The following HTR2A variants were observed in gnomAD, a reference collection of about 807,000 sequenced individuals.
The protein encoded by HTR2A is 5-hydroxytryptamine receptor 2A, also known as 5-HT2 receptor.
In HTR2A, 14 loss-of-function variants were observed where a neutral mutation model predicts 31.0. The observed-to-expected ratio is 0.45, with a 90% CI of 0.30 to 0.71. The LOEUF is 0.71. HTR2A is among the 30% of genes least tolerant of loss of function. The pLI, the probability that HTR2A is intolerant of heterozygous loss-of-function variation, is 0.09. For missense variants in HTR2A, 442 were observed against 573.3 expected (o/e 0.77, Z 2.34); for synonymous variants, 209 against 225.2 (o/e 0.93, Z 0.64).
chr13:46,867,950 G>A (rs751146885), intron 3 of HTR2A, among the ~76,000 whole-genome samples: 2 of 152,164 alleles, frequency 1.3e-5, no homozygotes, highest in Non-Finnish European at 2.9e-5. Flanking sequence ...TTTGTCCTGA[G>A]TGAAGCACAA....
In HTR2A at chr13:46,892,567, T is replaced by G. The variant is rs1425158265; in HGVS notation, c.436A>C (p.Lys146Gln). 6.2e-7 allele frequency: 1 copy of G among 1,614,208 alleles called. No individual in the cohort carries two copies. The highest frequency in any genetic ancestry group is 8.5e-7 in the Non-Finnish European group (1 of 1,180,026). The change falls in exon 3 of 4, where the codon AAG becomes CAG. Residue 146 changes from lysine (K) to glutamine (Q), a missense_variant. Lys to Gln is a moderately conservative substitution (Grantham distance 53, BLOSUM62 1). Coordinates refer to ENST00000542664, the MANE Select transcript of HTR2A (RefSeq NM_000621.5). ...LYGYRWPLPS[K>Q]LCAVWIYLDV... ...AGGTAAATCCAGACTGCACAAAGCT[T>G]GCTCGGCAGAGGCCACCGGTACCCT... is the stretch of plus-strand genomic sequence containing the variant.
intron 3 of HTR2A, among the ~76,000 whole-genome samples, chr13:46,873,436 ATT>A (rs1491205024): frequency 1.6e-5 from 1 of 64,098 alleles, no homozygotes; most frequent in East Asian, 1.6e-3. Context: ...ATTTATTATT[ATT>A]ATTATTATTA....
At chr13:46,854,725 ATAAT>A (rs1486014659) in intron 3 of HTR2A, among the ~76,000 whole-genome samples, 3 of 152,224 alleles carry the variant, frequency 2.0e-5, no homozygotes, top group Non-Finnish European at 4.4e-5. Context: ...ATGTGATACC[ATAAT>A]TAATATTTTG....
intron 2 of HTR2A, among the ~76,000 whole-genome samples, chr13:46,894,110 TAAGG>T (rs1426954387): frequency 6.6e-6 from 1 of 152,062 alleles, no homozygotes; most frequent in Non-Finnish European, 1.5e-5. Context: ...TGATGCGGGA[TAAGG>T]AGGGGGCATT....
chr13:46,863,286 A>G (rs1454453807), intron 3 of HTR2A, among the ~76,000 whole-genome samples: 1 of 152,216 alleles, frequency 6.6e-6, no homozygotes, highest in African/African-American at 2.4e-5. Context: ...TAAAAAGGGA[A>G]TAAGAACAAA....
Position 46,858,955 on chromosome 13 carries a change from C to G in HTR2A, c.614-23316G>C, listed in dbSNP as rs1219481318. On this transcript the variant is annotated intron_variant, in intron 3 of 3. Coordinates refer to ENST00000542664, the MANE Select transcript of HTR2A (RefSeq NM_000621.5). ...AAAAATCATGAGTCACTAAGACGTTCGAATTCTTGATCCCTGCAAGGAACA... is the reference window on the plus strand; with the variant it reads ...AAAAATCATGAGTCACTAAGACGTTGGAATTCTTGATCCCTGCAAGGAACA... Among the ~76,000 whole-genome samples, 6 of 152,168 alleles carry G rather than the reference C, an allele frequency of 3.9e-5. No homozygotes were observed. In the South Asian group the frequency reaches 6.2e-4, roughly 16 times the overall value.
At chr13:46,896,543 C>G in intron 1 of HTR2A, 131 bp downstream of exon 1, 1 of 752,216 alleles carries the variant, frequency 1.3e-6, no homozygotes, top group Non-Finnish European at 2.1e-6. Context: ...ACAAAAAAGT[C>G]TTAAGTAAAG....
chr13:46,851,938 C>A (rs1054937670), intron 3 of HTR2A, among the ~76,000 whole-genome samples: 3 of 152,078 alleles, frequency 2.0e-5, no homozygotes, highest in Admixed American at 6.5e-5. Context: ...ATTAGAGTGC[C>A]CTGGATTATC....
intron 3 of HTR2A, among the ~76,000 whole-genome samples, chr13:46,841,126 AT>A (rs1437890136): frequency 2.6e-5 from 4 of 152,222 alleles, no homozygotes; most frequent in African/African-American, 9.6e-5. Flanking sequence ...TTCTGGCATG[AT>A]CGTAAGTTTC....
chr13:46,855,824 A>C (rs1950731858), intron 3 of HTR2A, among the ~76,000 whole-genome samples: 1 of 152,222 alleles, frequency 6.6e-6, no homozygotes, highest in Non-Finnish European at 1.5e-5. Context: ...AGTTATGTTT[A>C]ATGTGGTGTA....
At chr13:46,894,153 G>A (rs1951079511) in intron 2 of HTR2A, among the ~76,000 whole-genome samples, 1 of 152,210 alleles carries the variant, frequency 6.6e-6, no homozygotes, top group Non-Finnish European at 1.5e-5. Flanking sequence ...CATGCCCCAC[G>A]CCCCGTGGGC....
chr13:46,845,054 G>A (rs550301142), intron 3 of HTR2A, among the ~76,000 whole-genome samples: 1 of 151,608 alleles, frequency 6.6e-6, no homozygotes, highest in African/African-American at 2.4e-5. Context: ...TTAAACACAC[G>A]AAACTACAGA....
At chr13:46,862,968 G>C (rs73175516) in intron 3 of HTR2A, among the ~76,000 whole-genome samples, 24,930 of 152,118 alleles carry the variant, frequency 0.16, 3,053 homozygotes, top group African/African-American at 0.35. Context: ...ACCTCAAGGA[G>C]CTCCACTCGC....
chr13:46,874,079 C>T (rs568397389), intron 3 of HTR2A, among the ~76,000 whole-genome samples: 1 of 152,306 alleles, frequency 6.6e-6, no homozygotes, highest in African/African-American at 2.4e-5. Context: ...AAAACTCTCT[C>T]CTGCTGAGTT....
rs764403930 is a variant in HTR2A at position 46,857,433 on chromosome 13, AG to A, written c.614-21795del. Among the ~76,000 whole-genome samples the A allele has an allele frequency of 1.1e-3, 161 of 152,318 alleles. 1 individual carries two copies. Among genetic ancestry groups the A allele is most frequent in the Admixed American group, 1.8e-3 (28 of 15,294 alleles). On this transcript the variant is annotated intron_variant, in intron 3 of 3. Coordinates refer to ENST00000542664, the MANE Select transcript of HTR2A (RefSeq NM_000621.5). Reference sequence around the variant, plus strand: ...TGGCACCTGCTCACTGCATCCTCACAGGATGGAAGGGCCAAGGCAGCTCTCT... The same window carrying A: ...TGGCACCTGCTCACTGCATCCTCACAGATGGAAGGGCCAAGGCAGCTCTCT...
At chr13:46,856,616 A>T (rs1950740087) in intron 3 of HTR2A, among the ~76,000 whole-genome samples, 1 of 152,156 alleles carries the variant, frequency 6.6e-6, no homozygotes, top group Non-Finnish European at 1.5e-5. Flanking sequence ...ATACAAAAAA[A>T]CACTAGGCTG....
chr13:46,887,324 G>A (rs1951014489), intron 3 of HTR2A, among the ~76,000 whole-genome samples: 1 of 151,392 alleles, frequency 6.6e-6, no homozygotes, highest in South Asian at 2.1e-4. Context: ...TTGGGAGGCT[G>A]AGGCAGGAGA....
chr13:46,896,357 C>T, intron 1 of HTR2A, 123 bp from the exon 2 acceptor site: 1 of 485,204 alleles, frequency 2.1e-6, no homozygotes, highest in Non-Finnish European at 3.0e-6. Flanking sequence ...CAATCAGAAA[C>T]AGTGGGGATG....
chr13:46,868,149 A>G (rs929997044), intron 3 of HTR2A, among the ~76,000 whole-genome samples: 1 of 152,240 alleles, frequency 6.6e-6, no homozygotes, highest in African/African-American at 2.4e-5. Flanking sequence ...AAGCGATAGG[A>G]ATACCTTTTC....
Sources: allele counts gnomAD v4.1 joint callset (sites outside exome capture counted in the v4.1 genomes callset), GRCh38; gene constraint gnomAD v4.1.1; transcripts MANE v1.5; gene names NCBI Gene and HGNC (gene_info 2026-07-23, HGNC 2026-07-21).